The following HYDIN variants were observed in gnomAD, a reference collection of about 807,000 sequenced individuals.
HYDIN encodes the protein axonemal central pair apparatus protein HYDIN.
In HYDIN, 132 loss-of-function variants were observed where a neutral mutation model predicts 403.9. The observed-to-expected ratio is 0.33, with a 90% confidence interval of 0.28 to 0.38. HYDIN has a LOEUF of 0.38. Among genes scored for constraint, HYDIN ranks in the 10% least tolerant of loss-of-function variants. HYDIN has a pLI of 1.00. For missense variants in HYDIN, 2,827 were observed against 5,009.5 expected, an observed-to-expected ratio of 0.56 and a Z score of 13.15; for synonymous variants, 1,202 against 1,891.7, an observed-to-expected ratio of 0.64 and a Z score of 9.46.
chr16:70,956,540 G>A (rs549155815), intron 39 of HYDIN, among the ~76,000 whole-genome samples: 15 of 152,198 alleles, frequency 9.9e-5, no homozygotes, highest in South Asian at 4.2e-4. Flanking sequence ...TTATCCAACC[G>A]GGCACAATGG....
intron 29 of HYDIN, among the ~76,000 whole-genome samples, chr16:70,980,776 G>T (rs2079022858): frequency 6.6e-6 from 1 of 152,072 alleles, no homozygotes; most frequent in Admixed American, 6.5e-5. Flanking sequence ...CCTGACGTCA[G>T]GAAGAAAGAG....
chr16:70,921,907 C>G (rs1385275480), intron 45 of HYDIN, among the ~76,000 whole-genome samples: 1 of 152,212 alleles, frequency 6.6e-6, no homozygotes, highest in African/African-American at 2.4e-5. Context: ...TTTCTTACTG[C>G]ACTTTTAAAC....
At chr16:70,906,108 G>C (rs2143770523) in intron 50 of HYDIN, among the ~76,000 whole-genome samples, 1 of 151,190 alleles carries the variant, frequency 6.6e-6, no homozygotes, top group South Asian at 2.1e-4. Context: ...TCCAGTTTTG[G>C]TTTCACTCCC....
At chr16:71,116,442 T>A (rs1417009078) in intron 9 of HYDIN, among the ~76,000 whole-genome samples, 1 of 152,232 alleles carries the variant, frequency 6.6e-6, no homozygotes, top group Non-Finnish European at 1.5e-5. Flanking sequence ...GCTGGACACT[T>A]CGGTTGCTTC....
chr16:71,182,150 G>A (rs773474736), intron 3 of HYDIN, among the ~76,000 whole-genome samples: 2 of 152,156 alleles, frequency 1.3e-5, no homozygotes, highest in Non-Finnish European at 2.9e-5. Flanking sequence ...CTGAGAGGGA[G>A]AAGAGTAGAA....
At chr16:70,909,361 T>G (rs1465922608) in intron 47 of HYDIN, among the ~76,000 whole-genome samples, 1 of 152,208 alleles carries the variant, frequency 6.6e-6, no homozygotes, top group Non-Finnish European at 1.5e-5. Context: ...TTTCTAGTGG[T>G]ATTTTCATGT....
At chr16:71,026,822 C>T (rs1382945078) in intron 20 of HYDIN, among the ~76,000 whole-genome samples, 2 of 152,104 alleles carry the variant, frequency 1.3e-5, no homozygotes, top group African/African-American at 4.8e-5. Flanking sequence ...TACTGGGAGA[C>T]AAAGTTCTTT....
At chr16:70,916,634 T>G (rs2076848273) in intron 47 of HYDIN, among the ~76,000 whole-genome samples, 1 of 152,140 alleles carries the variant, frequency 6.6e-6, no homozygotes, top group Non-Finnish European at 1.5e-5. Flanking sequence ...TCCACCCGAG[T>G]TGGAGTTGCA....
chr16:71,062,312 C>G lies in HYDIN; in HGVS notation c.2233G>C (p.Val745Leu). ...CTGGGGGTGGGGCTGGAAAACAGCA[C>G]AGTAGGCACCTCCTCACACACCTGG... ...QPQVCEEVPT[V>L]LFSSPTPSGV... The change falls in exon 17 of 86, where the codon GTG becomes CTG. Residue 745 changes from valine to leucine, a missense_variant. Coordinates refer to ENST00000393567, the MANE Select transcript of HYDIN (RefSeq NM_001270974.2). The G allele has an allele frequency of 6.3e-7, 1 of 1,592,590 alleles. No individual in the cohort carries two copies. The highest frequency in any genetic ancestry group is 8.6e-7 in the Non-Finnish European group (1 of 1,168,342).
At chr16:71,169,319 G>A (rs1195629568) in intron 5 of HYDIN, among the ~76,000 whole-genome samples, 1 of 152,146 alleles carries the variant, frequency 6.6e-6, no homozygotes, top group Non-Finnish European at 1.5e-5. Context: ...TATAATCCCA[G>A]CTACTAGGGA....
At position 71,179,035 on chromosome 16, in the gene HYDIN, C is replaced by T; in HGVS notation, c.274G>A (p.Asp92Asn). Residue 92 changes from aspartate to asparagine, a missense_variant, in exon 4 of 86, where the codon GAC (aspartate) becomes AAC (asparagine). Transcript: ENST00000393567. ...ETTHQKFSGI[D>N]LDQALFQPFP... is the part of the protein sequence containing the mutation. ...GGCTGGAATAATGCCTGATCCAGGT[C>T]AATTCCTGAAAACTTCAGTTGAAAG... 1 of 1,608,426 alleles carries T rather than the reference C, an allele frequency of 6.2e-7. No individual in the cohort carries two copies. The highest frequency in any genetic ancestry group is 8.5e-7 in the Non-Finnish European group (1 of 1,177,626).
At chr16:71,194,979 G>A (rs1312191761) in intron 1 of HYDIN, among the ~76,000 whole-genome samples, 1 of 152,182 alleles carries the variant, frequency 6.6e-6, no homozygotes, top group Non-Finnish European at 1.5e-5. Flanking sequence ...AAGCTACAGT[G>A]TTCTTTTTGA....
chr16:70,822,024 C>A lies in HYDIN; in HGVS notation c.14428-3452G>T, dbSNP rs537238168. On this transcript the variant is annotated intron_variant, in intron 83 of 85. Transcript: ENST00000393567. ...GTTGTTTTCATGCCTGCTAACACAACATCTACTCTGCAGCCCACAGATGAA... is the reference window on the plus strand; with the variant it reads ...GTTGTTTTCATGCCTGCTAACACAAAATCTACTCTGCAGCCCACAGATGAA... 1.3e-3 allele frequency among the ~76,000 whole-genome samples: 195 copies of A among 152,346 alleles called. 1 individual carries two copies. Among genetic ancestry groups the A allele is most frequent in the African/African-American group, 4.7e-3 (194 of 41,580 alleles).
In HYDIN at chr16:70,938,775, G is replaced by A. The variant is rs775567693; in HGVS notation, c.6854-20C>T. ...TGCGTTCTGTGAGGGGAACAGAGAC[G>A]GGAAGGTGAGGAAAAGTCCTTCTCA... On this transcript the variant is annotated intron_variant, in intron 43 of 85. Transcript: ENST00000393567. 21 of 1,612,858 alleles carry A rather than the reference G, an allele frequency of 1.3e-5. No homozygotes were observed. The South Asian group carries it at 1.6e-4, about 13-fold the overall frequency.
intron 2 of HYDIN, among the ~76,000 whole-genome samples, chr16:71,186,388 C>CG (rs1266697531): frequency 1.6e-4 from 25 of 151,930 alleles, no homozygotes; most frequent in Admixed American, 1.6e-3. Flanking sequence ...ATTACTCTTG[C>CG]CAATCGGTAG....
In HYDIN at chr16:70,805,829, C is replaced by T. The variant is rs2035082198; in HGVS notation, c.*1751G>A. Among the ~76,000 whole-genome samples the T allele has an allele frequency of 6.6e-6, 1 of 152,166 alleles. No individual in the cohort carries two copies. The highest frequency in any genetic ancestry group is 2.4e-5 in the African/African-American group (1 of 41,428). The stretch of plus-strand genomic sequence containing the variant: ...CCTCCTCATCTATGGCTTCAGTTAC[C>T]TGTGGTCAACTGTGGAATGAAAATA... On this transcript the variant is annotated 3_prime_UTR_variant, in exon 86 of 86. Transcript: ENST00000393567.
chr16:71,102,074 G>C (rs2083470865), intron 10 of HYDIN, among the ~76,000 whole-genome samples: 1 of 152,078 alleles, frequency 6.6e-6, no homozygotes, highest in Non-Finnish European at 1.5e-5. Context: ...TTTATGTAAA[G>C]TTTGAAATAT....
At chr16:70,979,991 G>A (rs985621251) in intron 29 of HYDIN, among the ~76,000 whole-genome samples, 1 of 151,872 alleles carries the variant, frequency 6.6e-6, no homozygotes, top group African/African-American at 2.4e-5. Context: ...TGAGTGTAGT[G>A]AACTGGAGAA....
intron 38 of HYDIN, among the ~76,000 whole-genome samples, chr16:70,960,545 A>T (rs2143949308): frequency 6.7e-6 from 1 of 149,962 alleles, no homozygotes; most frequent in Non-Finnish European, 1.5e-5. Context: ...AGTAGTGTGC[A>T]GCCAGATACA....
Sources: allele counts gnomAD v4.1 joint callset (sites outside exome capture counted in the v4.1 genomes callset), GRCh38; gene constraint gnomAD v4.1.1; transcripts MANE v1.5; gene names NCBI Gene and HGNC (gene_info 2026-07-23, HGNC 2026-07-21).